Variants in SLC38A7 observed in about 807,000 individuals in gnomAD.
The protein encoded by SLC38A7 is solute carrier family 38 member 7, also known as sodium-coupled neutral amino acid transporter 7.
A neutral mutation model predicts 50.1 loss-of-function variants in SLC38A7; 29 were observed. The observed-to-expected ratio is 0.58, with a 90% CI of 0.43 to 0.79. The LOEUF is 0.79. Among genes scored for constraint, SLC38A7 ranks in the 30% least tolerant of loss-of-function variants. The pLI, the probability that SLC38A7 is intolerant of heterozygous loss-of-function variation, is 0.00. For synonymous variants in SLC38A7, 244 were observed against 245.9 expected, an observed-to-expected ratio of 0.99 and a Z score of 0.07; for missense variants, 483 against 610.6, an observed-to-expected ratio of 0.79 and a Z score of 2.20.
chr16:58,672,133 C>G lies in SLC38A7; in HGVS notation c.994G>C (p.Val332Leu), dbSNP rs938062870. Residue 332 changes from valine (V) to leucine (L), a missense_variant, in exon 9 of 12, where the codon GTG becomes CTG. Val to Leu is a conservative substitution (Grantham distance 32). Transcript: ENST00000219320. ...TGCAGGATAGGGTAGGAGGTGAGCA[C>G]GCTCAGGATGATGAAGGCTCGGGCA... is the stretch of plus-strand genomic sequence containing the variant. ...AVARAFIILS[V>L]LTSYPILHFC... 3.8e-6 allele frequency: 6 copies of G among 1,560,708 alleles called. No individual in the cohort carries two copies. The highest frequency in any genetic ancestry group is 4.3e-6 in the Non-Finnish European group (5 of 1,152,538).
Position 58,671,253 on chromosome 16 carries a change from A to G in SLC38A7, c.1032-9T>C. The stretch of plus-strand genomic sequence containing the variant: ...GGCCTTCCACCACCGCCCTGCCCAC[A>G]TGGAGAAGGGCTTAGAGGTGCCCCT... On this transcript the variant is annotated splice_polypyrimidine_tract_variant and intron_variant, in intron 9 of 11. Transcript: ENST00000219320. 2 of 1,612,898 alleles carry G rather than the reference A, an allele frequency of 1.2e-6. No individual in the cohort carries two copies. Among genetic ancestry groups the G allele is most frequent in the Non-Finnish European group, 1.7e-6 (2 of 1,179,466 alleles).
At chr16:58,677,527 C>A (rs1421363125) in intron 5 of SLC38A7, 103 bp from the exon 6 acceptor site, 1 of 950,430 alleles carries the variant, frequency 1.1e-6, no homozygotes, top group African/African-American at 1.6e-5. Flanking sequence ...CAAGTGTCCA[C>A]TGAATGAACC....
Position 58,678,441 on chromosome 16 carries a change from G to GC in SLC38A7, c.502dup (p.Ala168GlyfsTer60). 6.4e-7 allele frequency: 1 copy of GC among 1,572,468 alleles called. No individual in the cohort carries two copies. The highest frequency in any genetic ancestry group is 8.6e-7 in the Non-Finnish European group (1 of 1,159,968). ...GCGGTCTGTGTACCAAGGGCCGCTG[G>GC]CCCCCTCCGGCTCTTTCGCCATCAC... On this transcript the variant is annotated frameshift_variant, in exon 5 of 12. Coordinates refer to ENST00000219320, the MANE Select transcript of SLC38A7 (RefSeq NM_018231.3). LOFTEE classifies it high-confidence loss of function. This position sits in a 1 kb window ranked among gnomAD's most constrained non-coding sequence, Gnocchi z 4.0.
chr16:58,675,926 G>C lies in SLC38A7; in HGVS notation c.883+14C>G, dbSNP rs754235864. 6.2e-5 allele frequency: 98 copies of C among 1,589,784 alleles called. No individual in the cohort carries two copies. In the Middle Eastern group the frequency reaches 1.3e-3, roughly 21 times the overall value. On this transcript the variant is annotated intron_variant, in intron 8 of 11. Coordinates refer to ENST00000219320, the MANE Select transcript of SLC38A7 (RefSeq NM_018231.3). ...GCACTCTAGTCCCAGGTCTTGGGGG[G>C]GGGGAGCACTCACCTGTCCCCATGT...
At position 58,665,475 on chromosome 16, in the gene SLC38A7, G is replaced by C. The variant is rs2044017898; in HGVS notation, c.*1910C>G. 6.6e-6 allele frequency: 1 copy of C among 151,086 alleles called. No individual in the cohort carries two copies. Among genetic ancestry groups the C allele is most frequent in the South Asian group, 2.1e-4 (1 of 4,846 alleles). 9.4% of individuals were successfully genotyped at this position (151,086 alleles called of 1,614,324 possible). On this transcript the variant is annotated 3_prime_UTR_variant, in exon 12 of 12. Transcript: ENST00000219320. ...AGAAGATCAGGCACCAAGAGGGGAT[G>C]TGAGAAAAGGCAGTTTATCCATCTG...
intron 7 of SLC38A7, 66 bp from the exon 8 acceptor site, chr16:58,676,120 AC>A: frequency 6.4e-7 from 1 of 1,570,554 alleles, no homozygotes; most frequent in East Asian, 2.3e-5. Context: ...AGAGGAAGGT[AC>A]CTTGGGAACA....
At chr16:58,682,926 A>G (rs975996047) in intron 2 of SLC38A7, among the ~76,000 whole-genome samples, 1 of 148,066 alleles carries the variant, frequency 6.8e-6, no homozygotes, top group Non-Finnish European at 1.5e-5. Flanking sequence ...ACGCCTGGCC[A>G]ACTTTTTAAA....
At chr16:58,668,272 T>C (rs2044082281) in intron 11 of SLC38A7, among the ~76,000 whole-genome samples, 1 of 151,542 alleles carries the variant, frequency 6.6e-6, no homozygotes, top group African/African-American at 2.4e-5. Context: ...ACCCCGTCTC[T>C]ACTAAAAAAA....
chr16:58,673,990 A>G (rs1412958028), intron 8 of SLC38A7, among the ~76,000 whole-genome samples: 1 of 151,038 alleles, frequency 6.6e-6, no homozygotes, highest in African/African-American at 2.4e-5. Flanking sequence ...ACGCCCGGCT[A>G]ATTTTTGTAA....
chr16:58,678,950 C>T lies in SLC38A7; in HGVS notation c.271-56G>A. 1 of 1,558,252 alleles carries T rather than the reference C, an allele frequency of 6.4e-7. No homozygotes were observed. Among genetic ancestry groups the T allele is most frequent in the Admixed American group, 1.7e-5 (1 of 57,484 alleles). ...GCAAAGGCCTGGCAGCAGAGGGCACCCTGGGCTCGCCTAGCATTTACTGGG... is the reference window on the plus strand; with the variant it reads ...GCAAAGGCCTGGCAGCAGAGGGCACTCTGGGCTCGCCTAGCATTTACTGGG... On this transcript the variant is annotated intron_variant, in intron 3 of 11. Transcript: ENST00000219320. This position sits in a 1 kb window ranked among gnomAD's most constrained non-coding sequence, Gnocchi z 4.0.
At chr16:58,671,336 T>G (rs536921938) in intron 9 of SLC38A7, 92 bp from the exon 10 acceptor site, 19 of 1,315,190 alleles carry the variant, frequency 1.4e-5, no homozygotes, top group Non-Finnish European at 1.9e-5. Context: ...CTGGGTAGAC[T>G]GCGGGGAAAG....
chr16:58,670,522 G>A (rs1057489970), intron 10 of SLC38A7, among the ~76,000 whole-genome samples: 4 of 152,232 alleles, frequency 2.6e-5, no homozygotes, highest in South Asian at 2.1e-4. Flanking sequence ...GTGGCTTCCT[G>A]GATAGAGACA....
At chr16:58,683,652 T>G (rs936454525) in intron 2 of SLC38A7, 7 of 152,348 alleles carry the variant, frequency 4.6e-5, no homozygotes, top group African/African-American at 1.7e-4. Flanking sequence ...GCCAGAGCTG[T>G]GACCATCTCC....
At chr16:58,670,472 T>C (rs2044137896) in intron 10 of SLC38A7, among the ~76,000 whole-genome samples, 1 of 152,244 alleles carries the variant, frequency 6.6e-6, no homozygotes, top group African/African-American at 2.4e-5. Flanking sequence ...CCAGCAGATC[T>C]GGCTCCCCTG....
rs574376298 is a variant in SLC38A7, at chr16:58,678,300, G to A, written c.611+33C>T. 2.6e-6 allele frequency: 4 copies of A among 1,513,118 alleles called. No homozygotes were observed. In the South Asian group the frequency reaches 5.4e-5, roughly 21 times the overall value. The allele number at this position is 1,513,118 out of a possible 1,614,324, so 93.7% of individuals were successfully genotyped here. A position where few individuals can be genotyped will look rare whatever the true frequency, so the allele number is the denominator to read the frequency against. ...GGGTCTACAGCTGCCCAGGATCATA[G>A]CTTCTGTCTGACCCAGGCTGGGGCC... On this transcript the variant is annotated intron_variant, in intron 5 of 11. Transcript: ENST00000219320. The surrounding 1 kb of genome is among the most constrained non-coding windows in gnomAD (Gnocchi z 4.0).
At chr16:58,682,056 C>T (rs1008296285) in intron 2 of SLC38A7, among the ~76,000 whole-genome samples, 1 of 152,100 alleles carries the variant, frequency 6.6e-6, no homozygotes, top group Non-Finnish European at 1.5e-5. Flanking sequence ...GTGCAGGAGG[C>T]TGAGGCAGGA....
At chr16:58,677,540 A>T (rs2044296419) in intron 5 of SLC38A7, 116 bp from the exon 6 acceptor site, 1 of 837,988 alleles carries the variant, frequency 1.2e-6, no homozygotes, top group South Asian at 1.5e-5. Flanking sequence ...AATGAACCGG[A>T]GACTATGCCA....
At chr16:58,669,562 G>C (rs2044117852) in intron 11 of SLC38A7, among the ~76,000 whole-genome samples, 1 of 152,128 alleles carries the variant, frequency 6.6e-6, no homozygotes, top group Non-Finnish European at 1.5e-5. Flanking sequence ...AAAGGATGTG[G>C]GGGCGAGTGG....
In SLC38A7 at chr16:58,682,075, C is replaced by T. The variant is rs1232520602; in HGVS notation, c.-115-1834G>A. ...AGGAGGCTGAGGCAGGAGAATCGCC[C>T]GAAATTAGGAGACAGAGTTTGCAGT... On this transcript the variant is annotated intron_variant, in intron 2 of 11. Transcript: ENST00000219320. 5.3e-5 allele frequency among the ~76,000 whole-genome samples: 8 copies of T among 152,052 alleles called. No individual in the cohort carries two copies. In the South Asian group the frequency reaches 6.2e-4, roughly 12 times the overall value.
Sources: allele counts gnomAD v4.1 joint callset (sites outside exome capture counted in the v4.1 genomes callset), GRCh38; gene constraint gnomAD v4.1.1; non-coding constraint Gnocchi (gnomAD v3.1); transcripts MANE v1.5; gene names NCBI Gene and HGNC (gene_info 2026-07-23, HGNC 2026-07-21).